CSF1R: variants seen among roughly 807,000 people sequenced by gnomAD.
CSF1R encodes the protein colony stimulating factor 1 receptor, also known as macrophage colony-stimulating factor 1 receptor.
A neutral mutation model predicts 110.0 loss-of-function variants in CSF1R; 40 were observed. The ratio of observed to expected loss-of-function variants is 0.36; its 90% confidence interval spans 0.28 to 0.47. CSF1R has a LOEUF of 0.47. CSF1R is among the 20% of genes least tolerant of loss of function. CSF1R has a pLI of 0.99. For missense variants in CSF1R, 1,052 were observed against 1,253.0 expected, an observed-to-expected ratio of 0.84 and a Z score of 2.42; for synonymous variants, 523 against 503.4, an observed-to-expected ratio of 1.04 and a Z score of -0.52.
intron 14 of CSF1R, among the ~76,000 whole-genome samples, chr5:150,059,157 G>A (rs1033232153): frequency 6.6e-6 from 1 of 152,132 alleles, no homozygotes; most frequent in African/African-American, 2.4e-5. Flanking sequence ...CAATTCTCCC[G>A]CCTCAGCCTC....
chr5:150,103,588 T>G (rs1759464822), intron 1 of CSF1R, among the ~76,000 whole-genome samples: 1 of 152,174 alleles, frequency 6.6e-6, no homozygotes, highest in Admixed American at 6.5e-5. Flanking sequence ...AGCAAGCCCC[T>G]AAGTGTTGTA....
chr5:150,082,517 C>G (rs1409285539), intron 1 of CSF1R, among the ~76,000 whole-genome samples: 1 of 152,236 alleles, frequency 6.6e-6, no homozygotes, highest in South Asian at 2.1e-4. Context: ...GTGCAACTGC[C>G]AGGAAGAGGG....
intron 1 of CSF1R, among the ~76,000 whole-genome samples, chr5:150,110,317 C>T (rs1759680288): frequency 6.6e-6 from 1 of 152,238 alleles, no homozygotes; most frequent in Non-Finnish European, 1.5e-5. Context: ...CTTCCCCTCC[C>T]CTGTCAAGGT....
In CSF1R at chr5:150,068,219, T is replaced by C; in HGVS notation, c.1622A>G (p.Lys541Arg). ...LLLLLLLYKY[K>R]QKPKYQVRWK... ...CCCCACTCCGCTCCGGCTCACCTGC[T>C]TATACTTGTACAATAGCAGCAGGAG... The change falls in exon 10 of 21, where the codon AAG becomes AGG. Residue 541 changes from lysine to arginine, a missense_variant. Lys to Arg is a conservative substitution (Grantham distance 26). Coordinates refer to ENST00000675795, the MANE Select transcript of CSF1R (RefSeq NM_001288705.3). 3.7e-6 allele frequency: 6 copies of C among 1,610,700 alleles called. No homozygotes were observed. The highest frequency in any genetic ancestry group is 5.1e-6 in the Non-Finnish European group (6 of 1,179,592).
chr5:150,062,356 G>A (rs1246496368), intron 10 of CSF1R, among the ~76,000 whole-genome samples: 1 of 146,590 alleles, frequency 6.8e-6, no homozygotes, highest in Non-Finnish European at 1.5e-5. Context: ...TCTACCTTGT[G>A]CAACCAGTTT....
At chr5:150,097,400 G>A (rs1212652898) in intron 1 of CSF1R, among the ~76,000 whole-genome samples, 3 of 147,284 alleles carry the variant, frequency 2.0e-5, no homozygotes, top group Non-Finnish European at 4.5e-5. Flanking sequence ...AAGGAAAGAA[G>A]AAGAAAGAAA....
rs373108887 is a variant in CSF1R, at chr5:150,056,014, C to T, written c.2554+12G>A. The T allele has an allele frequency of 1.9e-6, 3 of 1,612,538 alleles. No homozygotes were observed. The highest frequency in any genetic ancestry group is 1.7e-5 in the Admixed American group (1 of 59,934). ...GCCCCAGGCTCTGCCTGGAGTGGGC[C>T]CAGTGGCTCACCAAGTGAGAAGATC... On this transcript the variant is annotated intron_variant, in intron 18 of 20. Transcript: ENST00000675795.
In CSF1R at chr5:150,079,907, G is replaced by A. The variant is rs140829505; in HGVS notation, c.592+145C>T. 4.2e-4 allele frequency: 425 copies of A among 1,018,828 alleles called. 3 individuals carry two copies. The highest frequency in any genetic ancestry group is 2.3e-3 in the Middle Eastern group (7 of 3,082). The allele number at this position is 1,018,828 out of a possible 1,614,324, so 63.1% of individuals were successfully genotyped here. A position where few individuals can be genotyped will look rare whatever the true frequency, so the allele number is the denominator to read the frequency against. On this transcript the variant is annotated intron_variant, in intron 3 of 20. Coordinates refer to ENST00000675795, the MANE Select transcript of CSF1R (RefSeq NM_001288705.3). ...TGTCAGTCCTGCCCCATAGATGATCGTGGAACCATTGAGGGGAAGAAGTGA... is the reference window on the plus strand; with the variant it reads ...TGTCAGTCCTGCCCCATAGATGATCATGGAACCATTGAGGGGAAGAAGTGA...
chr5:150,094,038 G>A (rs1364975579), intron 1 of CSF1R, among the ~76,000 whole-genome samples: 5 of 150,052 alleles, frequency 3.3e-5, no homozygotes, highest in Non-Finnish European at 5.9e-5. Flanking sequence ...ACTTTAGCCT[G>A]GGCAACAAGA....
At chr5:150,071,816 G>C (rs1294357041) in intron 6 of CSF1R, among the ~76,000 whole-genome samples, 1 of 152,182 alleles carries the variant, frequency 6.6e-6, no homozygotes, top group Non-Finnish European at 1.5e-5. Context: ...CTTTAAATGA[G>C]AGGAAGACAG....
intron 13 of CSF1R, among the ~76,000 whole-genome samples, chr5:150,060,552 G>T (rs912483698): frequency 2.6e-4 from 40 of 152,072 alleles, no homozygotes; most frequent in East Asian, 5.8e-4. Context: ...AGAGGTAGGC[G>T]GGGGGCTTCA....
rs2113824004 is a variant in CSF1R, at chr5:150,077,297, A to T, written c.868T>A (p.Ser290Thr). The T allele has an allele frequency of 6.2e-7, 1 of 1,614,200 alleles. No individual in the cohort carries two copies. Among genetic ancestry groups the T allele is most frequent in the Non-Finnish European group, 8.5e-7 (1 of 1,180,038 alleles). The change falls in exon 5 of 21, where the codon TCC becomes ACC. Residue 290 changes from serine (S) to threonine (T), a missense_variant. This residue lies in a region of CSF1R where 693 missense variants were observed against 735.4 expected (regional missense o/e 0.94). Transcript: ENST00000675795. ...ASNVQGKHST[S>T]MFFRVVESAY... ...TTACCTACCACCCGGAAGAACATGG[A>T]GGTGGAGTGCTTGCCCTGCACGTTG...
chr5:150,062,410 T>G (rs960818980), intron 10 of CSF1R, among the ~76,000 whole-genome samples: 10 of 146,930 alleles, frequency 6.8e-5, no homozygotes, highest in Non-Finnish European at 1.5e-4. Flanking sequence ...CTGTTCCTGT[T>G]AAAAAGCAAC....
intron 9 of CSF1R, among the ~76,000 whole-genome samples, chr5:150,069,024 C>T (rs73275639): frequency 0.03 from 4,585 of 152,290 alleles, 204 homozygotes; most frequent in African/African-American, 0.1. Context: ...ATAATCCCCA[C>T]AAAGAGCTTA....
chr5:150,077,876 ACCACCTCCCC>A (rs1758342945), intron 4 of CSF1R, among the ~76,000 whole-genome samples: 1 of 152,080 alleles, frequency 6.6e-6, no homozygotes, highest in African/African-American at 2.4e-5. Context: ...GTGACAGAGA[ACCACCTCCCC>A]CCACCCACCC....
chr5:150,070,584 A>G lies in CSF1R; in HGVS notation c.1083-13T>C. 6.7e-7 allele frequency: 1 copy of G among 1,499,312 alleles called. No homozygotes were observed. Among genetic ancestry groups the G allele is most frequent in the Non-Finnish European group, 8.9e-7 (1 of 1,121,694 alleles). 92.9% of individuals were successfully genotyped at this position (1,499,312 alleles called of 1,614,324 possible). On this transcript the variant is annotated splice_polypyrimidine_tract_variant and intron_variant, in intron 6 of 20. Coordinates refer to ENST00000675795, the MANE Select transcript of CSF1R (RefSeq NM_001288705.3). ...GGTGAAGGTGTGCCTGCAGGAGAGA[A>G]TCAGGTGGTGTTGGTGAGCCCCAGC...
intron 9 of CSF1R, 41 bp downstream of exon 9, chr5:150,069,832 G>C (rs1373961244): frequency 1.7e-6 from 2 of 1,144,658 alleles, no homozygotes; most frequent in African/African-American, 1.8e-5. Flanking sequence ...GGGGCGGGGG[G>C]CGGGCGGGGG....
At chr5:150,056,637 G>A (rs892722203) in intron 16 of CSF1R, among the ~76,000 whole-genome samples, 7 of 152,040 alleles carry the variant, frequency 4.6e-5, no homozygotes, top group African/African-American at 1.2e-4. Context: ...AAGGGCTTCC[G>A]TGCAGAGAGC....
intron 14 of CSF1R, chr5:150,058,018 G>C (rs757340078): frequency 5.5e-6 from 2 of 360,420 alleles, no homozygotes; most frequent in Non-Finnish European, 1.1e-5. Flanking sequence ...CACTTCGGGA[G>C]CTTTTAGGAT....
Sources: allele counts gnomAD v4.1 joint callset (sites outside exome capture counted in the v4.1 genomes callset), GRCh38; gene constraint gnomAD v4.1.1; regional missense constraint gnomAD v4.1.1; transcripts MANE v1.5; gene names NCBI Gene and HGNC (gene_info 2026-07-23, HGNC 2026-07-21).